The following CFDP1 variants were observed in gnomAD, a reference collection of about 807,000 sequenced individuals.
CFDP1 encodes heterochromatin-stabilizing protein CFDP1.
In CFDP1, 31 loss-of-function variants were observed where a neutral mutation model predicts 40.1. The ratio of observed to expected loss-of-function variants is 0.77; its 90% CI spans 0.58 to 1.04. The LOEUF (loss-of-function observed/expected upper bound fraction) is 1.04, where lower values mean the gene tolerates loss of function less well. Among genes scored for constraint, CFDP1 ranks in the 50% least tolerant of loss-of-function variants. The pLI is 0.00. For missense variants in CFDP1, 423 were observed against 343.4 expected, an observed-to-expected ratio of 1.23 and a Z score of -1.83; for synonymous variants, 167 against 120.0, an observed-to-expected ratio of 1.39 and a Z score of -2.56.
intron 5 of CFDP1, among the ~76,000 whole-genome samples, chr16:75,390,383 A>G (rs954049641): frequency 5.3e-5 from 8 of 152,340 alleles, no homozygotes; most frequent in African/African-American, 1.9e-4. Flanking sequence ...ATTCTGTGCT[A>G]AGTCAGTGTA....
intron 4 of CFDP1, among the ~76,000 whole-genome samples, chr16:75,410,044 A>G (rs1430037680): frequency 8.0e-6 from 1 of 125,026 alleles, no homozygotes; most frequent in African/African-American, 3.0e-5. Flanking sequence ...CAACACAGCA[A>G]GACCCTTTCT....
chr16:75,428,630 TAGAG>T (rs1485737488), intron 1 of CFDP1, among the ~76,000 whole-genome samples: 28 of 71,206 alleles, frequency 3.9e-4, no homozygotes, highest in South Asian at 2.3e-3. Context: ...AATAAATAAA[TAGAG>T]AGAGAGAAAA....
rs779047749 is a variant in CFDP1, at chr16:75,433,375, C to G, written c.-23G>C. On this transcript the variant is annotated 5_prime_UTR_variant, in exon 1 of 7. Transcript: ENST00000283882. ...CATGTTGCTGCCGCTCGACGCTGGT[C>G]AAACTCACAAGACCGCAGCAGCCGC... 17 of 1,578,124 alleles carry G rather than the reference C, an allele frequency of 1.1e-5. No individual in the cohort carries two copies. Among genetic ancestry groups the G allele is most frequent in the South Asian group, 5.7e-5 (5 of 87,290 alleles).
chr16:75,409,918 T>A (rs8057849), intron 4 of CFDP1, among the ~76,000 whole-genome samples: 1 of 151,634 alleles, frequency 6.6e-6, no homozygotes, highest in Non-Finnish European at 1.5e-5. Flanking sequence ...TTTTGTTCCA[T>A]ACCATTTGTA....
At chr16:75,369,503 A>G (rs1417447035) in intron 5 of CFDP1, among the ~76,000 whole-genome samples, 1 of 152,198 alleles carries the variant, frequency 6.6e-6, no homozygotes, top group Non-Finnish European at 1.5e-5. Flanking sequence ...ATTTAGACAC[A>G]TGGCTTCGCA....
intron 5 of CFDP1, chr16:75,391,473 A>G (rs1240106057): frequency 6.6e-6 from 1 of 152,266 alleles, no homozygotes; most frequent in Non-Finnish European, 1.5e-5. Flanking sequence ...TGTGAAATCA[A>G]TTCAGCAGGT....
intron 2 of CFDP1, 94 bp from the exon 3 acceptor site, chr16:75,412,848 G>T: frequency 1.0e-6 from 1 of 961,590 alleles, no homozygotes; most frequent in Non-Finnish European, 1.6e-6. Context: ...ATAAACCCAA[G>T]AACACTTTAA....
At chr16:75,300,172 C>A (rs2151498182) in intron 6 of CFDP1, among the ~76,000 whole-genome samples, 1 of 152,144 alleles carries the variant, frequency 6.6e-6, no homozygotes, top group East Asian at 1.9e-4. Context: ...GCGGCCTGTA[C>A]TGGGGTGGTG....
chr16:75,408,328 T>C (rs962410686), intron 4 of CFDP1, among the ~76,000 whole-genome samples: 5 of 151,028 alleles, frequency 3.3e-5, no homozygotes, highest in Non-Finnish European at 5.9e-5. Context: ...AAAATCTGTG[T>C]GAAGGATGGA....
chr16:75,340,452 T>G (rs1461536946), intron 5 of CFDP1, among the ~76,000 whole-genome samples: 1 of 152,212 alleles, frequency 6.6e-6, no homozygotes, highest in Non-Finnish European at 1.5e-5. Flanking sequence ...TTTCTCATTA[T>G]TTCCCTCCAC....
intron 4 of CFDP1, among the ~76,000 whole-genome samples, chr16:75,401,943 A>G (rs2079058850): frequency 6.6e-6 from 1 of 152,218 alleles, no homozygotes; most frequent in Non-Finnish European, 1.5e-5. Context: ...TACATGATAT[A>G]TAGTAAGTGG....
At chr16:75,418,021 A>C (rs1054751123) in intron 1 of CFDP1, among the ~76,000 whole-genome samples, 15 of 152,174 alleles carry the variant, frequency 9.9e-5, no homozygotes, top group African/African-American at 3.4e-4. Flanking sequence ...TGGGAGGCTG[A>C]GGTGGGTGTA....
chr16:75,372,611 T>A (rs1418092457), intron 5 of CFDP1: 2 of 152,258 alleles, frequency 1.3e-5, no homozygotes, highest in Non-Finnish European at 2.9e-5. Context: ...ATTCTAGCTG[T>A]ACCTCAATCC....
chr16:75,433,454 C>T lies in CFDP1; in HGVS notation c.-102G>A. 1 of 1,169,312 alleles carries T rather than the reference C, an allele frequency of 8.6e-7. No homozygotes were observed. The highest frequency in any genetic ancestry group is 1.5e-5 in the African/African-American group (1 of 65,646). The allele number at this position is 1,169,312 out of a possible 1,614,324, so 72.4% of individuals were successfully genotyped here. On this transcript the variant is annotated 5_prime_UTR_variant, in exon 1 of 7. Transcript: ENST00000283882. ...CATAGAGCCCCGGCGGCGGCGACGGCAGCTAGGGCGGCCCCCGACAGCGCT... is the reference window on the plus strand; with the variant it reads ...CATAGAGCCCCGGCGGCGGCGACGGTAGCTAGGGCGGCCCCCGACAGCGCT...
intron 5 of CFDP1, among the ~76,000 whole-genome samples, chr16:75,383,305 T>A (rs919540076): frequency 6.6e-6 from 1 of 152,172 alleles, no homozygotes; most frequent in Non-Finnish European, 1.5e-5. Flanking sequence ...CAATCCAAAT[T>A]AAAGTATTTA....
chr16:75,367,792 C>A (rs1470923966), intron 5 of CFDP1, among the ~76,000 whole-genome samples: 209 of 105,526 alleles, frequency 2.0e-3, no homozygotes, highest in Admixed American at 3.1e-3. Context: ...CACTCCATCT[C>A]AAAAAAAAAA....
At chr16:75,298,649 T>G (rs1439560958) in intron 6 of CFDP1, among the ~76,000 whole-genome samples, 2 of 152,144 alleles carry the variant, frequency 1.3e-5, no homozygotes, top group African/African-American at 4.8e-5. Flanking sequence ...GATACAGACT[T>G]TGCTGCCTCG....
intron 5 of CFDP1, among the ~76,000 whole-genome samples, chr16:75,323,224 CG>C (rs1479458859): frequency 5.4e-5 from 8 of 149,054 alleles, no homozygotes; most frequent in African/African-American, 2.0e-4. Context: ...TACTTTTTAA[CG>C]TTAAAAAAAA....
chr16:75,300,051 G>A (rs1225621959), intron 6 of CFDP1, among the ~76,000 whole-genome samples: 2 of 152,122 alleles, frequency 1.3e-5, no homozygotes, highest in Non-Finnish European at 2.9e-5. Context: ...ACCCGGGGGT[G>A]TTCCGCAGGG....
Sources: gnomAD v4.1 joint callset for allele counts (sites outside exome capture counted in the v4.1 genomes callset) on GRCh38, gnomAD v4.1.1 for gene constraint, MANE v1.5 for transcripts, NCBI Gene and HGNC (gene_info 2026-07-23, HGNC 2026-07-21) for gene names.